The following RSRC1 variants were observed in gnomAD, a reference collection of about 807,000 sequenced individuals.
RSRC1 encodes arginine and serine rich coiled-coil 1.
A neutral mutation model predicts 49.1 loss-of-function variants in RSRC1; 39 were observed. The ratio of observed to expected loss-of-function variants is 0.79; its 90% CI spans 0.61 to 1.04. The LOEUF is 1.04. Among genes scored for constraint, RSRC1 ranks in the 50% least tolerant of loss-of-function variants. The pLI is 0.00. For synonymous variants in RSRC1, 143 were observed against 130.8 expected, an observed-to-expected ratio of 1.09 and a Z score of -0.63; for missense variants, 388 against 402.4, an observed-to-expected ratio of 0.96 and a Z score of 0.31.
At chr3:158,395,645 C>T (rs975552875) in intron 6 of RSRC1, among the ~76,000 whole-genome samples, 2 of 152,012 alleles carry the variant, frequency 1.3e-5, no homozygotes, top group African/African-American at 4.8e-5. Flanking sequence ...TCATACCACT[C>T]AGAATGGCTA....
chr3:158,427,768 C>T (rs1036532666), intron 6 of RSRC1, among the ~76,000 whole-genome samples: 1 of 151,538 alleles, frequency 6.6e-6, no homozygotes, highest in Non-Finnish European at 1.5e-5. Flanking sequence ...ATCACCTTTC[C>T]AATTTGTTAC....
chr3:158,528,073 C>T (rs1712154926), intron 7 of RSRC1, among the ~76,000 whole-genome samples: 1 of 151,542 alleles, frequency 6.6e-6, no homozygotes, highest in African/African-American at 2.4e-5. Flanking sequence ...AAAAAACAGG[C>T]ATAGTCAGTC....
At chr3:158,512,794 G>A (rs1242070813) in intron 7 of RSRC1, among the ~76,000 whole-genome samples, 4 of 151,442 alleles carry the variant, frequency 2.6e-5, no homozygotes, top group Non-Finnish European at 1.5e-5. Context: ...ATTTCATTGA[G>A]CAGTGGTTTG....
intron 3 of RSRC1, among the ~76,000 whole-genome samples, chr3:158,141,513 G>T (rs186820371): frequency 1.4e-4 from 21 of 152,294 alleles, no homozygotes; most frequent in Middle Eastern, 3.4e-3. Flanking sequence ...AAACTTAAAT[G>T]ACTATGCAAG....
chr3:158,442,237 C>T (rs993964076), intron 6 of RSRC1, among the ~76,000 whole-genome samples: 1 of 151,968 alleles, frequency 6.6e-6, no homozygotes, highest in Non-Finnish European at 1.5e-5. Flanking sequence ...CAATGATTGA[C>T]TCTTTCATAA....
chr3:158,372,454 C>T (rs994816942), intron 6 of RSRC1, among the ~76,000 whole-genome samples: 2 of 151,882 alleles, frequency 1.3e-5, no homozygotes, highest in African/African-American at 4.8e-5. Context: ...AGTATCAGTT[C>T]ACTACATATA....
intron 7 of RSRC1, among the ~76,000 whole-genome samples, chr3:158,487,949 G>GAAAAAACAAA (rs1738889063): frequency 3.5e-5 from 1 of 28,920 alleles, no homozygotes; most frequent in Non-Finnish European, 6.0e-5. Context: ...TCCATCTCAA[G>GAAAAAACAAA]AAAAAAAAAA....
At chr3:158,196,179 A>G (rs1720599601) in intron 3 of RSRC1, among the ~76,000 whole-genome samples, 1 of 151,172 alleles carries the variant, frequency 6.6e-6, no homozygotes, top group Non-Finnish European at 1.5e-5. Context: ...TTCGTTGAGC[A>G]GTGTGGTTTG....
intron 4 of RSRC1, among the ~76,000 whole-genome samples, chr3:158,217,583 C>G (rs543945451): frequency 5.9e-5 from 9 of 151,608 alleles, no homozygotes; most frequent in Admixed American, 1.3e-4. Flanking sequence ...TTCCCACATG[C>G]AGGAACAGTG....
chr3:158,218,610 G>T (rs895423992), intron 4 of RSRC1, among the ~76,000 whole-genome samples: 1 of 151,592 alleles, frequency 6.6e-6, no homozygotes, highest in African/African-American at 2.4e-5. Flanking sequence ...TAGTCAGGAG[G>T]ATATATTGTA....
intron 4 of RSRC1, among the ~76,000 whole-genome samples, chr3:158,244,725 G>A (rs1230792820): frequency 2.0e-5 from 3 of 152,072 alleles, no homozygotes; most frequent in Non-Finnish European, 4.4e-5. Context: ...TCTACCTGTG[G>A]TAGAATTCAG....
At chr3:158,533,083 T>C (rs1431340572) in intron 7 of RSRC1, among the ~76,000 whole-genome samples, 1 of 151,796 alleles carries the variant, frequency 6.6e-6, no homozygotes, top group East Asian at 1.9e-4. Flanking sequence ...GACAGGGTTA[T>C]ACTCAAGACA....
At chr3:158,399,945 TAAGA>T (rs1312322895) in intron 6 of RSRC1, among the ~76,000 whole-genome samples, 5 of 152,050 alleles carry the variant, frequency 3.3e-5, no homozygotes, top group African/African-American at 7.2e-5. Flanking sequence ...AAAAATAGAG[TAAGA>T]AAGAACAGTG....
chr3:158,446,811 T>C (rs1736745859), intron 6 of RSRC1, among the ~76,000 whole-genome samples: 1 of 152,060 alleles, frequency 6.6e-6, no homozygotes, highest in Non-Finnish European at 1.5e-5. Context: ...AACAGGCTAG[T>C]AAAGGTCATA....
At chr3:158,405,152 T>C (rs994948689) in intron 6 of RSRC1, among the ~76,000 whole-genome samples, 1 of 152,068 alleles carries the variant, frequency 6.6e-6, no homozygotes, top group Admixed American at 6.6e-5. Context: ...TTATGACTCT[T>C]TAAGTCTCTA....
intron 6 of RSRC1, among the ~76,000 whole-genome samples, chr3:158,455,462 C>T (rs1737259308): frequency 6.6e-6 from 1 of 152,072 alleles, no homozygotes; most frequent in East Asian, 1.9e-4. Flanking sequence ...TAAAATCTAA[C>T]TTTAGCAAAC....
chr3:158,205,223 G>C (rs1376686491), intron 4 of RSRC1, among the ~76,000 whole-genome samples: 1 of 152,136 alleles, frequency 6.6e-6, no homozygotes, highest in Non-Finnish European at 1.5e-5. Flanking sequence ...CCGTAGTAGA[G>C]GATAGTGTTG....
intron 4 of RSRC1, among the ~76,000 whole-genome samples, chr3:158,273,104 T>C (rs1450875969): frequency 2.6e-5 from 4 of 152,094 alleles, no homozygotes; most frequent in Non-Finnish European, 4.4e-5. Flanking sequence ...ATCCCCTCTG[T>C]CATTATGCTT....
intron 3 of RSRC1, among the ~76,000 whole-genome samples, chr3:158,181,489 A>G (rs1443970673): frequency 6.6e-6 from 1 of 152,232 alleles, no homozygotes; most frequent in African/African-American, 2.4e-5. Context: ...TTCCCTTTGC[A>G]TAAAATTCAG....
Sources: allele counts gnomAD v4.1 joint callset (sites outside exome capture counted in the v4.1 genomes callset), GRCh38; gene constraint gnomAD v4.1.1; transcripts MANE v1.5; gene names NCBI Gene and HGNC (gene_info 2026-07-23, HGNC 2026-07-21).